The following CDK6 variants were observed in gnomAD, a reference collection of about 807,000 sequenced individuals.
CDK6 encodes the protein cyclin dependent kinase 6, also known as cyclin-dependent kinase 6.
Under a neutral mutation model 37.1 loss-of-function variants are expected in CDK6, and 6 were observed. The ratio of observed to expected loss-of-function variants is 0.16; its 90% CI spans 0.09 to 0.32. The LOEUF (loss-of-function observed/expected upper bound fraction) is 0.32, where lower values mean the gene tolerates loss of function less well. CDK6 is among the 10% of genes least tolerant of loss of function. The probability of loss-of-function intolerance (pLI) is 1.00; values close to 1 mark genes in which losing one functional copy is unlikely to be tolerated. For synonymous variants in CDK6, 160 were observed against 161.3 expected, an observed-to-expected ratio of 0.99 and a Z score of 0.06; for missense variants, 224 against 418.9, an observed-to-expected ratio of 0.53 and a Z score of 4.06.
At chr7:92,686,542 A>C (rs538559659) in intron 4 of CDK6, among the ~76,000 whole-genome samples, 1 of 152,202 alleles carries the variant, frequency 6.6e-6, no homozygotes, top group East Asian at 1.9e-4. Flanking sequence ...ACTGATGGGC[A>C]TCTGGGCTGG....
chr7:92,755,398 T>C (rs1799290732), intron 3 of CDK6, among the ~76,000 whole-genome samples: 1 of 151,866 alleles, frequency 6.6e-6, no homozygotes, highest in Admixed American at 6.6e-5. Flanking sequence ...CAGAAATTAA[T>C]GGGGACACTG....
chr7:92,770,882 C>T (rs1359873929), intron 3 of CDK6, among the ~76,000 whole-genome samples: 2 of 152,046 alleles, frequency 1.3e-5, no homozygotes, highest in African/African-American at 4.8e-5. Context: ...GGAAAATCCC[C>T]TGAGCTTAAA....
intron 5 of CDK6, among the ~76,000 whole-genome samples, chr7:92,645,977 T>C (rs1019299840): frequency 1.3e-5 from 2 of 152,244 alleles, no homozygotes; most frequent in Admixed American, 1.3e-4. Context: ...ACGGTGATTG[T>C]GCATACACGA....
chr7:92,714,212 C>T (rs1022850500), intron 4 of CDK6, among the ~76,000 whole-genome samples: 1 of 152,094 alleles, frequency 6.6e-6, no homozygotes, highest in Non-Finnish European at 1.5e-5. Flanking sequence ...GGGCAGACTT[C>T]AGAGATGGCA....
At chr7:92,616,473 G>C (rs373716192) in intron 7 of CDK6, among the ~76,000 whole-genome samples, 7 of 152,280 alleles carry the variant, frequency 4.6e-5, no homozygotes, top group African/African-American at 1.4e-4. Flanking sequence ...AGGATCTTCT[G>C]AACATCAAGA....
chr7:92,747,517 T>C (rs1303303186), intron 3 of CDK6, among the ~76,000 whole-genome samples: 1 of 152,220 alleles, frequency 6.6e-6, no homozygotes. Flanking sequence ...CCCAGCCTAA[T>C]GGTGTCTTTC....
chr7:92,635,472 C>G (rs1402360579), intron 5 of CDK6, among the ~76,000 whole-genome samples: 1 of 152,184 alleles, frequency 6.6e-6, no homozygotes, highest in African/African-American at 2.4e-5. Context: ...CAGCTTCTGT[C>G]GTACTCCATA....
intron 4 of CDK6, among the ~76,000 whole-genome samples, chr7:92,692,531 T>C (rs1325406853): frequency 6.6e-6 from 1 of 150,642 alleles, no homozygotes; most frequent in African/African-American, 2.4e-5. Context: ...ATGCCTGTAA[T>C]CCAGCACTTT....
At chr7:92,775,916 A>AT (rs993230098) in intron 2 of CDK6, among the ~76,000 whole-genome samples, 57 of 152,002 alleles carry the variant, frequency 3.7e-4, no homozygotes, top group African/African-American at 1.2e-3. Context: ...ACCTCCGTTA[A>AT]TTTTTTTTAT....
chr7:92,684,543 G>A (rs1003769712), intron 4 of CDK6, among the ~76,000 whole-genome samples: 1 of 152,060 alleles, frequency 6.6e-6, no homozygotes, highest in African/African-American at 2.4e-5. Flanking sequence ...TGTGTGCACA[G>A]GCATGTCTAT....
chr7:92,690,065 T>C (rs1400460300), intron 4 of CDK6, among the ~76,000 whole-genome samples: 1 of 152,170 alleles, frequency 6.6e-6, no homozygotes, highest in East Asian at 1.9e-4. Context: ...TCCCATTCTG[T>C]AGGCTGTTTA....
intron 5 of CDK6, among the ~76,000 whole-genome samples, chr7:92,654,837 A>C (rs1378300245): frequency 6.6e-6 from 1 of 152,100 alleles, no homozygotes; most frequent in East Asian, 1.9e-4. Context: ...CTGTGTCACC[A>C]AATGGATATA....
At chr7:92,796,843 CAG>C (rs1364500601) in intron 2 of CDK6, among the ~76,000 whole-genome samples, 1 of 151,940 alleles carries the variant, frequency 6.6e-6, no homozygotes, top group African/African-American at 2.4e-5. Context: ...AGCTTTTAGT[CAG>C]AGAAGTTATA....
At position 92,605,354 on chromosome 7, in the gene CDK6, C is replaced by T; in HGVS notation, c.*9786G>A. 1 of 233,484 alleles carries T rather than the reference C, an allele frequency of 4.3e-6. No individual in the cohort carries two copies. The allele number at this position is 233,484 out of a possible 1,614,324, so 14.5% of individuals were successfully genotyped here. Reference sequence around the variant, plus strand: ...AACAGAAACACCACTGCAGTTCTCCCTTTCCCAATAAGTCAGAGTAAGGGG... The same window carrying T: ...AACAGAAACACCACTGCAGTTCTCCTTTTCCCAATAAGTCAGAGTAAGGGG... On this transcript the variant is annotated 3_prime_UTR_variant, in exon 8 of 8. Transcript: ENST00000424848.
At chr7:92,802,445 G>C (rs1404733396) in intron 2 of CDK6, among the ~76,000 whole-genome samples, 1 of 152,122 alleles carries the variant, frequency 6.6e-6, no homozygotes, top group Non-Finnish European at 1.5e-5. Context: ...TTCTGGGTTA[G>C]CAAATGCCTC....
chr7:92,738,116 A>G (rs1216372697), intron 3 of CDK6, among the ~76,000 whole-genome samples: 1 of 152,128 alleles, frequency 6.6e-6, no homozygotes, highest in Non-Finnish European at 1.5e-5. Flanking sequence ...GAGGTAGCCA[A>G]TGTATCTCCA....
Position 92,743,498 on chromosome 7 carries a change from C to G in CDK6, c.370-17705G>C, listed in dbSNP as rs907546161. 2.6e-5 allele frequency among the ~76,000 whole-genome samples: 4 copies of G among 151,802 alleles called. No individual in the cohort carries two copies. In the East Asian group the frequency reaches 7.7e-4, roughly 29 times the overall value. ...ATTCTGTCTCAAAAAAGAAAGAACTCCATCAACTAAATTAGAAAAAGACAC... is the reference window on the plus strand; with the variant it reads ...ATTCTGTCTCAAAAAAGAAAGAACTGCATCAACTAAATTAGAAAAAGACAC... On this transcript the variant is annotated intron_variant, in intron 3 of 7. Coordinates refer to ENST00000424848, the MANE Select transcript of CDK6 (RefSeq NM_001145306.2).
chr7:92,738,699 C>T (rs1798848401), intron 3 of CDK6, among the ~76,000 whole-genome samples: 1 of 151,990 alleles, frequency 6.6e-6, no homozygotes, highest in South Asian at 2.1e-4. Context: ...ATGGGCATCC[C>T]TATAGATGGG....
intron 4 of CDK6, among the ~76,000 whole-genome samples, chr7:92,683,604 C>G (rs1191667406): frequency 6.6e-6 from 1 of 152,088 alleles, no homozygotes; most frequent in African/African-American, 2.4e-5. Flanking sequence ...ACACTCCCAT[C>G]TGAAATGGGT....
Sources: gnomAD v4.1 joint callset for allele counts (sites outside exome capture counted in the v4.1 genomes callset) on GRCh38, gnomAD v4.1.1 for gene constraint, MANE v1.5 for transcripts, NCBI Gene and HGNC (gene_info 2026-07-23, HGNC 2026-07-21) for gene names.